Variants in ARHGEF10L observed in about 807,000 individuals in gnomAD.
ARHGEF10L encodes the protein rho guanine nucleotide exchange factor 10-like protein.
ARHGEF10L carries 69 observed loss-of-function variants against 141.2 expected under a neutral mutation model. The ratio of observed to expected loss-of-function variants is 0.49; its 90% CI spans 0.40 to 0.60. The LOEUF (loss-of-function observed/expected upper bound fraction) is 0.60, where lower values mean the gene tolerates loss of function less well. ARHGEF10L is among the 20% of genes least tolerant of loss of function. The probability of loss-of-function intolerance (pLI) is 0.00; values close to 1 mark genes in which losing one functional copy is unlikely to be tolerated. For synonymous variants in ARHGEF10L, 711 were observed against 718.5 expected (o/e 0.99, Z 0.17); for missense variants, 1,482 against 1,734.3 (o/e 0.85, Z 2.58).
the ARHGEF10L span, among the ~76,000 whole-genome samples, chr1:17,516,136 G>T: frequency 6.6e-6 from 1 of 152,240 alleles, no homozygotes; most frequent in African/African-American, 2.4e-5. Context: ...GGGGGAGCCG[G>T]TTGCCCGGCA....
chr1:17,679,601 C>T (rs185981952), intron 26 of ARHGEF10L, among the ~76,000 whole-genome samples: 17 of 152,202 alleles, frequency 1.1e-4, no homozygotes, highest in African/African-American at 3.9e-4. Context: ...CAGTTTGTTT[C>T]CTCAGCGGTA....
chr1:17,693,871 C>T (rs1163896455), intron 27 of ARHGEF10L, among the ~76,000 whole-genome samples: 1 of 152,166 alleles, frequency 6.6e-6, no homozygotes, highest in Admixed American at 6.5e-5. Context: ...GGAGACAGCC[C>T]TTTAGAAAGG....
intron 22 of ARHGEF10L, among the ~76,000 whole-genome samples, chr1:17,649,741 A>G (rs1053477206): frequency 1.3e-5 from 2 of 152,238 alleles, no homozygotes; most frequent in African/African-American, 4.8e-5. Flanking sequence ...GCCACAGTAG[A>G]TACGTGGGTG....
chr1:17,526,394 G>A, the ARHGEF10L span, among the ~76,000 whole-genome samples: 1 of 152,168 alleles, frequency 6.6e-6, no homozygotes, highest in African/African-American at 2.4e-5. Context: ...CCTTATTAGT[G>A]GAAAAATTTG....
intron 1 of ARHGEF10L, among the ~76,000 whole-genome samples, chr1:17,567,819 G>A (rs2077825082): frequency 6.6e-6 from 1 of 151,948 alleles, no homozygotes. Context: ...GAATTGGAAT[G>A]TCTCTTTGGC....
chr1:17,614,919 G>A (rs1292380986), intron 8 of ARHGEF10L, among the ~76,000 whole-genome samples: 1 of 152,094 alleles, frequency 6.6e-6, no homozygotes, highest in African/African-American at 2.4e-5. Flanking sequence ...GGGGACCAAA[G>A]GGTTATTGGA....
At chr1:17,620,989 C>T (rs575318427) in intron 10 of ARHGEF10L, among the ~76,000 whole-genome samples, 19 of 152,216 alleles carry the variant, frequency 1.2e-4, no homozygotes, top group African/African-American at 4.1e-4. Flanking sequence ...ACACCATGCT[C>T]GACGGGGTAC....
At chr1:17,682,620 G>A (rs1166245474) in intron 26 of ARHGEF10L, among the ~76,000 whole-genome samples, 1 of 152,212 alleles carries the variant, frequency 6.6e-6, no homozygotes, top group Admixed American at 6.5e-5. Flanking sequence ...GCAGACGGCT[G>A]CTCTAGTGTA....
intron 15 of ARHGEF10L, among the ~76,000 whole-genome samples, chr1:17,631,552 C>T (rs948228919): frequency 1.3e-5 from 2 of 152,228 alleles, no homozygotes; most frequent in Admixed American, 1.3e-4. Flanking sequence ...ACGCCTGCTC[C>T]ACTGTGAAGA....
the ARHGEF10L span, among the ~76,000 whole-genome samples, chr1:17,524,252 C>G: frequency 6.6e-6 from 1 of 151,482 alleles, no homozygotes; most frequent in African/African-American, 2.4e-5. Context: ...TTGCAGTGAG[C>G]TGAGATGGTG....
At chr1:17,596,609 G>C (rs192080208) in intron 4 of ARHGEF10L, among the ~76,000 whole-genome samples, 1 of 152,204 alleles carries the variant, frequency 6.6e-6, no homozygotes, top group Non-Finnish European at 1.5e-5. Flanking sequence ...TTCTGGTTTT[G>C]GGGGTCTCCT....
At chr1:17,617,652 C>A (rs369919327) in intron 9 of ARHGEF10L, among the ~76,000 whole-genome samples, 31 of 152,244 alleles carry the variant, frequency 2.0e-4, no homozygotes, top group African/African-American at 7.2e-4. Context: ...GCAGAAGGAA[C>A]ACAGGCCTCG....
At chr1:17,617,452 A>G (rs1021489183) in intron 9 of ARHGEF10L, among the ~76,000 whole-genome samples, 5 of 152,280 alleles carry the variant, frequency 3.3e-5, no homozygotes, top group Admixed American at 3.3e-4. Context: ...ATGTATTCCC[A>G]GGCATTGGTG....
chr1:17,601,022 C>G (rs1419266762), intron 4 of ARHGEF10L, among the ~76,000 whole-genome samples: 1 of 146,980 alleles, frequency 6.8e-6, no homozygotes, highest in Non-Finnish European at 1.5e-5. Context: ...CGCCCTGAAG[C>G]CTGGGCGACA....
chr1:17,536,309 A>G (rs559234152), upstream of ARHGEF10L, among the ~76,000 whole-genome samples: 34 of 152,100 alleles, frequency 2.2e-4, no homozygotes, highest in Non-Finnish European at 1.0e-4. Context: ...GTGAAACCCC[A>G]TCTCTACAAA....
the ARHGEF10L span, among the ~76,000 whole-genome samples, chr1:17,525,143 C>T: frequency 6.6e-6 from 1 of 152,224 alleles, no homozygotes; most frequent in Non-Finnish European, 1.5e-5. Context: ...CCAAACCCAG[C>T]TCAGCTACTG....
At chr1:17,633,640 C>A (rs1324935480) in intron 16 of ARHGEF10L, among the ~76,000 whole-genome samples, 2 of 152,198 alleles carry the variant, frequency 1.3e-5, no homozygotes, top group Non-Finnish European at 2.9e-5. Flanking sequence ...GCGTAAGCCA[C>A]CGTGCCCCAC....
At chr1:17,533,314 A>C in the ARHGEF10L span, among the ~76,000 whole-genome samples, 1 of 152,206 alleles carries the variant, frequency 6.6e-6, no homozygotes, top group Non-Finnish European at 1.5e-5. Flanking sequence ...AGAGAGTGCT[A>C]TTAAGCATTT....
intron 26 of ARHGEF10L, among the ~76,000 whole-genome samples, chr1:17,686,681 C>A (rs367974536): frequency 6.6e-6 from 1 of 152,168 alleles, no homozygotes; most frequent in Admixed American, 6.5e-5. Context: ...TGGCCTGAAA[C>A]GTAGGGAGCC....
Sources: allele counts gnomAD v4.1 joint callset (sites outside exome capture counted in the v4.1 genomes callset), GRCh38; gene constraint gnomAD v4.1.1; transcripts MANE v1.5; gene names NCBI Gene and HGNC (gene_info 2026-07-23, HGNC 2026-07-21).